STARD8: variants seen among roughly 807,000 people sequenced by gnomAD.
STARD8 encodes the protein stAR-related lipid transfer protein 8.
A neutral mutation model predicts 69.4 loss-of-function variants in STARD8; 25 were observed. The ratio of observed to expected loss-of-function variants is 0.36; its 90% CI spans 0.26 to 0.50. STARD8 has a LOEUF of 0.50. STARD8 is among the 20% of genes least tolerant of loss of function. The pLI is 0.96. For missense variants in STARD8, 921 were observed against 932.5 expected, an observed-to-expected ratio of 0.99 and a Z score of 0.16; for synonymous variants, 389 against 374.6, an observed-to-expected ratio of 1.04 and a Z score of -0.45.
chrX:68,707,435 T>C (rs2080016225), intron 2 of STARD8, among the ~76,000 whole-genome samples: 1 of 111,915 alleles, frequency 8.9e-6, no homozygotes, highest in Non-Finnish European at 1.9e-5. Context: ...GGGACCTATA[T>C]CTGTGGCTTT....
intron 2 of STARD8, among the ~76,000 whole-genome samples, chrX:68,682,248 C>T (rs1478096375): frequency 8.9e-6 from 1 of 111,995 alleles, no homozygotes; most frequent in Non-Finnish European, 1.9e-5. Flanking sequence ...ATCCGCCCAC[C>T]TTGGCCTCCC....
chrX:68,691,428 AGCAGGGGTTG>A (rs776172846), intron 2 of STARD8, among the ~76,000 whole-genome samples: 130 of 111,825 alleles, frequency 1.2e-3, no homozygotes, highest in African/African-American at 3.7e-3. Flanking sequence ...AGGGGCAGGG[AGCAGGGGTTG>A]GCAGGGGTAT....
intron 1 of STARD8, among the ~76,000 whole-genome samples, chrX:68,651,448 G>A (rs376247448): frequency 3.6e-5 from 4 of 112,306 alleles, no homozygotes; most frequent in Admixed American, 1.9e-4. Flanking sequence ...TCTGGGCTCG[G>A]GAGCTCAGTC....
chrX:68,711,910 G>A (rs1006492099), intron 2 of STARD8, among the ~76,000 whole-genome samples: 4 of 112,824 alleles, frequency 3.5e-5, no homozygotes, highest in African/African-American at 9.7e-5. Flanking sequence ...CAACCAACCC[G>A]GTGATGCCAG....
Position 68,708,926 on chromosome X carries a change from T to C in STARD8, c.80-3988T>C, listed in dbSNP as rs756073244. Among the ~76,000 whole-genome samples, 301 of 111,152 alleles carry C rather than the reference T, an allele frequency of 2.7e-3. 1 individual carries two copies. Among genetic ancestry groups the C allele is most frequent in the African/African-American group, 9.2e-3 (281 of 30,596 alleles). On this transcript the variant is annotated intron_variant, in intron 2 of 14. Coordinates refer to ENST00000374599, the MANE Select transcript of STARD8 (RefSeq NM_001142503.3). The stretch of plus-strand genomic sequence containing the variant: ...ATCCTCAGTCCGGGCCACCTGGGCT[T>C]CAGCCCCAGGTGAATCGAGTCTACT...
At chrX:68,656,804 A>G (rs2079613739) in intron 1 of STARD8, among the ~76,000 whole-genome samples, 1 of 111,018 alleles carries the variant, frequency 9.0e-6, no homozygotes, top group African/African-American at 3.3e-5. Flanking sequence ...TGGGAATTGA[A>G]CAATGAGAAC....
At chrX:68,713,120 G>T in intron 3 of STARD8, 135 bp downstream of exon 3, 1 of 605,517 alleles carries the variant, frequency 1.7e-6, no homozygotes, top group South Asian at 3.1e-5. Context: ...ATTTTTTTCA[G>T]GGACTTTGCT....
intron 1 of STARD8, among the ~76,000 whole-genome samples, chrX:68,651,446 C>A (rs944636693): frequency 8.9e-6 from 1 of 112,148 alleles, no homozygotes; most frequent in South Asian, 3.7e-4. Flanking sequence ...TCTCTGGGCT[C>A]GGGAGCTCAG....
chrX:68,652,963 C>G (rs1569350876), intron 1 of STARD8, among the ~76,000 whole-genome samples: 1 of 66,695 alleles, frequency 1.5e-5, no homozygotes, highest in East Asian at 5.5e-4. Flanking sequence ...CACACACACA[C>G]ACCACACACC....
rs1050867376 is a variant in STARD8, at chrX:68,647,816, C to T, written c.-67C>T. ...AGCCCCGGGCCTCTTTTAGCCTCGTCCCCAGAGAGGGAGGAGCCGGTGCCC... is the reference window on the plus strand; with the variant it reads ...AGCCCCGGGCCTCTTTTAGCCTCGTTCCCAGAGAGGGAGGAGCCGGTGCCC... On this transcript the variant is annotated 5_prime_UTR_variant, in exon 1 of 15. Coordinates refer to ENST00000374599, the MANE Select transcript of STARD8 (RefSeq NM_001142503.3). The T allele has an allele frequency of 8.6e-7, 1 of 1,157,256 alleles. No homozygotes were observed. The highest frequency in any genetic ancestry group is 1.2e-6 in the Non-Finnish European group (1 of 863,906).
intron 2 of STARD8, among the ~76,000 whole-genome samples, chrX:68,688,531 T>C (rs1294041971): frequency 9.0e-6 from 1 of 110,885 alleles, no homozygotes; most frequent in Non-Finnish European, 1.9e-5. Context: ...GAGCCTCTCT[T>C]TCTGCTTCCC....
In STARD8 at chrX:68,692,679, C is replaced by A. The variant is rs140052648; in HGVS notation, c.80-20235C>A. Among the ~76,000 whole-genome samples the A allele has an allele frequency of 5.9e-3, 659 of 112,394 alleles. 7 individuals carry two copies. Among genetic ancestry groups the A allele is most frequent in the African/African-American group, 0.021 (637 of 30,923 alleles). On this transcript the variant is annotated intron_variant, in intron 2 of 14. Transcript: ENST00000374599. Reference sequence around the variant, plus strand: ...TGTGAGACCAGCCTGGGCAACATAGCAAGACTTCAGCTCTACAAAAAATGT... The same window carrying A: ...TGTGAGACCAGCCTGGGCAACATAGAAAGACTTCAGCTCTACAAAAAATGT...
In STARD8 at chrX:68,718,153, G is replaced by T; in HGVS notation, c.1239G>T (p.Leu413=). Residue 413 remains leucine (L), a synonymous_variant, in exon 6 of 15, where the codon CTG becomes CTT. Transcript: ENST00000374599. Reference sequence around the variant, plus strand: ...GGTCTCGGGCCATGTACCCAGACCTGGGGCCTGGAGATGAGGAAGAGGAGG... The same window carrying T: ...GGTCTCGGGCCATGTACCCAGACCTTGGGCCTGGAGATGAGGAAGAGGAGG... ...ELWSRAMYPD[L]GPGDEEEEEA... is the part of the protein sequence containing the mutation. 1 of 1,211,730 alleles carries T rather than the reference G, an allele frequency of 8.3e-7. No individual in the cohort carries two copies. The highest frequency in any genetic ancestry group is 1.1e-6 in the Non-Finnish European group (1 of 895,466).
chrX:68,661,372 T>A (rs993389250), intron 1 of STARD8, among the ~76,000 whole-genome samples: 1 of 112,101 alleles, frequency 8.9e-6, no homozygotes, highest in Non-Finnish European at 1.9e-5. Context: ...GGCTTTCGCA[T>A]TTGCACTCTT....
intron 1 of STARD8, 101 bp downstream of exon 1, chrX:68,648,028 C>T: frequency 1.0e-6 from 1 of 963,090 alleles, no homozygotes; most frequent in Non-Finnish European, 1.4e-6. Flanking sequence ...AGACGGGCTT[C>T]TGAGACTACC....
chrX:68,653,871 G>T (rs920190168), intron 1 of STARD8, among the ~76,000 whole-genome samples: 1 of 111,751 alleles, frequency 8.9e-6, no homozygotes, highest in African/African-American at 3.3e-5. Flanking sequence ...CACTTAGCAT[G>T]GTGTTATGCA....
At chrX:68,722,312 A>G in intron 11 of STARD8, 110 bp from the exon 12 acceptor site, 2 of 852,462 alleles carry the variant, frequency 2.3e-6, no homozygotes, top group East Asian at 3.5e-5. Flanking sequence ...TTTCTCATCT[A>G]CCTTGCTGTG....
At chrX:68,699,488 T>C (rs1313388191) in intron 2 of STARD8, among the ~76,000 whole-genome samples, 1 of 112,180 alleles carries the variant, frequency 8.9e-6, no homozygotes, top group African/African-American at 3.2e-5. Flanking sequence ...GGGTTCCGAG[T>C]GTGCCCTCTG....
chrX:68,670,090 A>G (rs907415382), intron 2 of STARD8, among the ~76,000 whole-genome samples: 18 of 112,337 alleles, frequency 1.6e-4, no homozygotes, highest in African/African-American at 5.8e-4. Context: ...GTTAGGGAGC[A>G]TCTGGAATTT....
Sources: allele counts gnomAD v4.1 joint callset (sites outside exome capture counted in the v4.1 genomes callset), GRCh38; gene constraint gnomAD v4.1.1; transcripts MANE v1.5; gene names NCBI Gene and HGNC (gene_info 2026-07-23, HGNC 2026-07-21).